The following CAPN6 variants were observed in gnomAD, a reference collection of about 807,000 sequenced individuals.
CAPN6 encodes calpain-6.
In CAPN6, 16 loss-of-function variants were observed where a neutral mutation model predicts 46.0. The observed-to-expected ratio is 0.35, with a 90% confidence interval of 0.24 to 0.53. CAPN6 has a LOEUF of 0.53. Ranked by LOEUF, CAPN6 falls within the 20% of genes least tolerant of loss-of-function variation. The pLI is 0.94. For synonymous variants in CAPN6, 206 were observed against 172.8 expected (o/e 1.19, Z -1.51); for missense variants, 461 against 498.0 (o/e 0.93, Z 0.71).
chrX:111,268,576 C>T (rs2094993707), intron 1 of CAPN6, among the ~76,000 whole-genome samples: 1 of 112,466 alleles, frequency 8.9e-6, no homozygotes, highest in Non-Finnish European at 1.9e-5. Flanking sequence ...GAAATTTGAT[C>T]ATGTGCTTTA....
In CAPN6 at chrX:111,257,997, T is replaced by G. The variant is rs1311018772; in HGVS notation, c.166-3594A>C. Among the ~76,000 whole-genome samples, 3 of 111,795 alleles carry G rather than the reference T, an allele frequency of 2.7e-5. No homozygotes were observed. In the Admixed American group the frequency reaches 2.8e-4, roughly 11 times the overall value. The stretch of plus-strand genomic sequence containing the variant: ...CCACTTCTGAGCCAAAACCTTCCAT[T>G]AAGCAAAGCAGCTTCTCTAGGAAGT... On this transcript the variant is annotated intron_variant, in intron 2 of 12. Coordinates refer to ENST00000324068, the MANE Select transcript of CAPN6 (RefSeq NM_014289.4).
intron 1 of CAPN6, among the ~76,000 whole-genome samples, chrX:111,267,047 G>T (rs763917831): frequency 4.5e-5 from 5 of 112,006 alleles, no homozygotes; most frequent in Non-Finnish European, 9.4e-5. Context: ...CTGTTGGAAC[G>T]GATGAGTGCA....
intron 1 of CAPN6, among the ~76,000 whole-genome samples, chrX:111,268,183 G>T (rs761515321): frequency 1.8e-5 from 2 of 111,120 alleles, no homozygotes; most frequent in East Asian, 5.6e-4. Flanking sequence ...GTACCTACTG[G>T]CCCAGAGAGA....
intron 2 of CAPN6, among the ~76,000 whole-genome samples, chrX:111,255,818 T>C (rs2094983288): frequency 8.9e-6 from 1 of 111,875 alleles, no homozygotes; most frequent in Non-Finnish European, 1.9e-5. Context: ...GATGGCTAGA[T>C]AGGTTGTCAG....
Position 111,253,088 on chromosome X carries a change from G to A in CAPN6, c.426C>T (p.Thr142=). ...AAGAGAAGACCAGATCTCCGTTAAT[G>A]GTGGGCAACAAGTCATCAATCACCA... is the stretch of plus-strand genomic sequence containing the variant. ...TEVVIDDLLP[T]INGDLVFSFS... is the part of the protein sequence containing the mutation. Residue 142 remains threonine (T), a synonymous_variant, in exon 4 of 13, where the codon ACC becomes ACT. Coordinates refer to ENST00000324068, the MANE Select transcript of CAPN6 (RefSeq NM_014289.4). 5 of 1,210,226 alleles carry A rather than the reference G, an allele frequency of 4.1e-6. No homozygotes were observed. The South Asian group carries it at 8.8e-5, about 21-fold the overall frequency.
At chrX:111,259,948 C>T (rs1306863356) in intron 2 of CAPN6, among the ~76,000 whole-genome samples, 2 of 111,449 alleles carry the variant, frequency 1.8e-5, no homozygotes, top group African/African-American at 6.5e-5. Flanking sequence ...GTCTTATGAT[C>T]ACACTGTAAC....
intron 3 of CAPN6, 30 bp downstream of exon 3, chrX:111,254,242 C>T: frequency 8.8e-7 from 1 of 1,140,338 alleles, no homozygotes; most frequent in Non-Finnish European, 1.2e-6. Flanking sequence ...AAAGTGGAAA[C>T]TGAATGAGGT....
rs750096166 is a variant in CAPN6, at chrX:111,246,768, A to C, written c.1744-9T>G. The C allele has an allele frequency of 8.3e-7, 1 of 1,201,100 alleles. No homozygotes were observed. The highest frequency in any genetic ancestry group is 1.1e-6 in the Non-Finnish European group (1 of 889,547). On this transcript the variant is annotated splice_polypyrimidine_tract_variant and intron_variant, in intron 12 of 12. Coordinates refer to ENST00000324068, the MANE Select transcript of CAPN6 (RefSeq NM_014289.4). ...TTTCGGCTGTTCCAGACCTGGAAAG[A>C]CAAACGAAGGGAGTGAAGATGAGCA...
intron 1 of CAPN6, among the ~76,000 whole-genome samples, chrX:111,267,842 T>C (rs2094993081): frequency 1.8e-5 from 2 of 111,638 alleles, no homozygotes; most frequent in Admixed American, 9.5e-5. Context: ...TGCAGACAAA[T>C]TGAATACAGA....
chrX:111,256,802 T>C (rs562891883), intron 2 of CAPN6, among the ~76,000 whole-genome samples: 1 of 108,733 alleles, frequency 9.2e-6, no homozygotes, highest in Non-Finnish European at 1.9e-5. Flanking sequence ...ATAATATATA[T>C]ATTAAAAGCT....
At chrX:111,267,899 A>G (rs1472543290) in intron 1 of CAPN6, among the ~76,000 whole-genome samples, 2 of 112,348 alleles carry the variant, frequency 1.8e-5, no homozygotes, top group Non-Finnish European at 3.8e-5. Flanking sequence ...TTTTACCCAC[A>G]ATCCACATCC....
intron 2 of CAPN6, among the ~76,000 whole-genome samples, chrX:111,255,177 T>A (rs2094982814): frequency 8.9e-6 from 1 of 111,882 alleles, no homozygotes; most frequent in Non-Finnish European, 1.9e-5. Context: ...GATACCTAAA[T>A]GATACAATTA....
At position 111,267,039 on chromosome X, in the gene CAPN6, G is replaced by C. The variant is rs2094992509; in HGVS notation, c.-15-3088C>G. Among the ~76,000 whole-genome samples the C allele has an allele frequency of 2.7e-5, 3 of 112,046 alleles. No homozygotes were observed. The Admixed American group carries it at 2.8e-4, about 11-fold the overall frequency. On this transcript the variant is annotated intron_variant, in intron 1 of 12. Transcript: ENST00000324068. ...GAGTTTGTCATAAACAACTTACTCTGTTGGAACGGATGAGTGCAGAGAAGG... is the reference window on the plus strand; with the variant it reads ...GAGTTTGTCATAAACAACTTACTCTCTTGGAACGGATGAGTGCAGAGAAGG...
At chrX:111,251,820 T>A in intron 5 of CAPN6, 78 bp from the exon 6 acceptor site, 1 of 879,325 alleles carries the variant, frequency 1.1e-6, no homozygotes, top group Non-Finnish European at 1.6e-6. Context: ...TTAATTGGCT[T>A]AACCCAGTAG....
At chrX:111,251,371 A>G in intron 6 of CAPN6, 85 bp from the exon 7 acceptor site, 1 of 989,581 alleles carries the variant, frequency 1.0e-6, no homozygotes, top group Non-Finnish European at 1.4e-6. Flanking sequence ...CCAGAGAAAC[A>G]GAGTGCATGA....
intron 1 of CAPN6, 31 bp from the exon 2 acceptor site, chrX:111,263,982 G>A (rs759104566): frequency 8.4e-5 from 85 of 1,009,325 alleles, no homozygotes; most frequent in Non-Finnish European, 1.1e-4. Context: ...GTCTTTGAAG[G>A]AAGAATTTCT....
rs138776518 is a variant in CAPN6 at position 111,250,315 on chromosome X, T to C, written c.1158+602A>G. Among the ~76,000 whole-genome samples the C allele has an allele frequency of 4.9e-3, 547 of 111,499 alleles. 1 individual carries two copies. The highest frequency in any genetic ancestry group is 0.017 in the African/African-American group (520 of 30,617). ...TATTATAGATTCAGCCTTTAGATGTTTGGATTTTTTACTCTGGAGTGTGCG... is the reference window on the plus strand; with the variant it reads ...TATTATAGATTCAGCCTTTAGATGTCTGGATTTTTTACTCTGGAGTGTGCG... On this transcript the variant is annotated intron_variant, in intron 8 of 12. Transcript: ENST00000324068.
intron 6 of CAPN6, 34 bp downstream of exon 6, chrX:111,251,515 G>A (rs756567557): frequency 1.8e-6 from 2 of 1,115,433 alleles, no homozygotes. Context: ...ACAGGGCTTT[G>A]GAGATGTAGC....
Position 111,246,060 on chromosome X carries a change from G to GGTGGTGGCA in CAPN6, c.*508_*516dup, listed in dbSNP as rs2050124203. The stretch of plus-strand genomic sequence containing the variant: ...GGTGGTGGTGGTGGTCGTGGTTGGT[G>GGTGGTGGCA]GTGGTGGCAGTGGTGTCTGTAAGGG... On this transcript the variant is annotated 3_prime_UTR_variant, in exon 13 of 13. Coordinates refer to ENST00000324068, the MANE Select transcript of CAPN6 (RefSeq NM_014289.4). 1 of 115,057 alleles carries GGTGGTGGCA rather than the reference G, an allele frequency of 8.7e-6. No homozygotes were observed. The highest frequency in any genetic ancestry group is 3.0e-4 in the South Asian group (1 of 3,287). The allele number at this position is 115,057 out of a possible 1,213,427, so 9.5% of individuals were successfully genotyped here.
Sources: gnomAD v4.1 joint callset for allele counts (sites outside exome capture counted in the v4.1 genomes callset) on GRCh38, gnomAD v4.1.1 for gene constraint, MANE v1.5 for transcripts, NCBI Gene and HGNC (gene_info 2026-07-23, HGNC 2026-07-21) for gene names.